Variants in RERE observed in about 807,000 individuals in gnomAD.
RERE encodes the protein arginine-glutamic acid dipeptide repeats protein.
In RERE, 40 loss-of-function variants were observed where a neutral mutation model predicts 146.1. The ratio of observed to expected loss-of-function variants is 0.27; its 90% CI spans 0.21 to 0.36. The LOEUF is 0.36. Ranked by LOEUF, RERE falls within the 10% of genes least tolerant of loss-of-function variation. The probability of loss-of-function intolerance (pLI) is 1.00; values close to 1 mark genes in which losing one functional copy is unlikely to be tolerated. For synonymous variants in RERE, 1,003 were observed against 866.0 expected (o/e 1.16, Z -2.78); for missense variants, 1,933 against 2,138.7 (o/e 0.90, Z 1.90).
At chr1:8,619,201 C>T (rs952974738) in intron 3 of RERE, among the ~76,000 whole-genome samples, 1 of 152,164 alleles carries the variant, frequency 6.6e-6, no homozygotes. Flanking sequence ...CTGTTAGGGA[C>T]ACAAATGATA....
intron 3 of RERE, among the ~76,000 whole-genome samples, chr1:8,616,224 G>T (rs1335102348): frequency 6.6e-6 from 1 of 152,240 alleles, no homozygotes; most frequent in Middle Eastern, 3.4e-3. Flanking sequence ...AGCATTTCCA[G>T]ACACTTTGGC....
chr1:8,460,685 C>G (rs1644514547), intron 11 of RERE, among the ~76,000 whole-genome samples: 2 of 152,034 alleles, frequency 1.3e-5, no homozygotes, highest in African/African-American at 4.8e-5. Context: ...TATAGTTACC[C>G]AAGATGAAAT....
At chr1:8,455,870 C>T (rs1644447468) in intron 11 of RERE, among the ~76,000 whole-genome samples, 1 of 152,148 alleles carries the variant, frequency 6.6e-6, no homozygotes, top group African/African-American at 2.4e-5. Context: ...AGTGACGTCC[C>T]GGCCTTCATC....
intron 4 of RERE, among the ~76,000 whole-genome samples, chr1:8,564,870 G>GTGTATATA (rs1269710840): frequency 2.4e-5 from 3 of 127,404 alleles, no homozygotes; most frequent in Admixed American, 1.5e-4. Flanking sequence ...GTGTGTGTGT[G>GTGTATATA]TATATATATA....
At chr1:8,411,274 A>G (rs1643607192) in intron 12 of RERE, among the ~76,000 whole-genome samples, 2 of 151,578 alleles carry the variant, frequency 1.3e-5, no homozygotes, top group Admixed American at 1.3e-4. Flanking sequence ...CTCCTGAGTC[A>G]CCTGATAGAT....
intron 4 of RERE, among the ~76,000 whole-genome samples, chr1:8,568,465 C>A (rs1344568455): frequency 6.6e-6 from 1 of 152,194 alleles, no homozygotes; most frequent in Non-Finnish European, 1.5e-5. Context: ...ACAAGTGAGG[C>A]CTTTAAGAGG....
chr1:8,777,786 C>T (rs1328338187), intron 1 of RERE, among the ~76,000 whole-genome samples: 1 of 151,608 alleles, frequency 6.6e-6, no homozygotes, highest in Non-Finnish European at 1.5e-5. Flanking sequence ...CCACCTGCCT[C>T]GGCCTCCCAA....
intron 4 of RERE, among the ~76,000 whole-genome samples, chr1:8,598,501 C>A (rs1353527235): frequency 1.3e-5 from 2 of 152,184 alleles, no homozygotes; most frequent in South Asian, 2.1e-4. Flanking sequence ...GGAACCAGAC[C>A]TGACTCTGTT....
At chr1:8,400,879 G>T (rs1348780697) in intron 12 of RERE, among the ~76,000 whole-genome samples, 9 of 144,354 alleles carry the variant, frequency 6.2e-5, no homozygotes, top group Non-Finnish European at 9.1e-5. Flanking sequence ...TTATCCAGGC[G>T]TGATGGCGTG....
intron 1 of RERE, among the ~76,000 whole-genome samples, chr1:8,809,218 C>G (rs916514848): frequency 6.8e-6 from 1 of 147,530 alleles, no homozygotes; most frequent in Non-Finnish European, 1.5e-5. Context: ...TTAACATAAA[C>G]TCAGCACATT....
intron 1 of RERE, chr1:8,786,968 T>C: frequency 1.6e-6 from 1 of 637,992 alleles, no homozygotes; most frequent in South Asian, 1.8e-5. Flanking sequence ...AGTCTAACTT[T>C]CACACAGCAG....
chr1:8,543,035 G>A (rs77097986), intron 6 of RERE, among the ~76,000 whole-genome samples: 1,542 of 152,160 alleles, frequency 0.01, 26 homozygotes, highest in African/African-American at 0.036. Flanking sequence ...AAATAGCTAC[G>A]TATGGCTACT....
intron 11 of RERE, among the ~76,000 whole-genome samples, chr1:8,446,761 G>A (rs897124481): frequency 3.3e-5 from 5 of 152,028 alleles, no homozygotes; most frequent in African/African-American, 7.2e-5. Flanking sequence ...TGCAAGCTCC[G>A]CCTCCGGGTT....
chr1:8,761,957 C>G (rs1229500453), intron 1 of RERE, among the ~76,000 whole-genome samples: 1 of 152,012 alleles, frequency 6.6e-6, no homozygotes, highest in Admixed American at 6.6e-5. Context: ...AGGTTAGATT[C>G]TCATTACTTT....
At chr1:8,764,543 C>T (rs1640814009) in intron 1 of RERE, among the ~76,000 whole-genome samples, 2 of 152,134 alleles carry the variant, frequency 1.3e-5, no homozygotes, top group Non-Finnish European at 2.9e-5. Context: ...TAAACAATCA[C>T]AACAACAGAG....
chr1:8,613,072 G>A (rs1477352897), intron 4 of RERE, among the ~76,000 whole-genome samples: 1 of 152,142 alleles, frequency 6.6e-6, no homozygotes, highest in African/African-American at 2.4e-5. Flanking sequence ...CATCTCTACT[G>A]TCTTGGTCCT....
At chr1:8,386,022 A>ATATATT (rs1186333936) in intron 12 of RERE, among the ~76,000 whole-genome samples, 6 of 26,632 alleles carry the variant, frequency 2.3e-4, no homozygotes, top group Non-Finnish European at 2.4e-4. Context: ...ATATATATAT[A>ATATATT]TTTTTTTTTT....
chr1:8,703,235 C>A (rs2124443243), intron 1 of RERE: 1 of 150,608 alleles, frequency 6.6e-6, no homozygotes, highest in Middle Eastern at 3.4e-3. Context: ...CACCGCGGCG[C>A]GGGCGCAGGT....
intron 4 of RERE, among the ~76,000 whole-genome samples, chr1:8,565,042 TGAAGA>T (rs1314738261): frequency 6.6e-6 from 1 of 151,876 alleles, no homozygotes; most frequent in Admixed American, 6.6e-5. Flanking sequence ...CTCACAGAAG[TGAAGA>T]GAAGTGGTTA....
Sources: gnomAD v4.1 joint callset for allele counts (sites outside exome capture counted in the v4.1 genomes callset) on GRCh38, gnomAD v4.1.1 for gene constraint, MANE v1.5 for transcripts, NCBI Gene and HGNC (gene_info 2026-07-23, HGNC 2026-07-21) for gene names.